Variants in DCAF5 observed in about 807,000 individuals in gnomAD.
DCAF5 encodes DDB1- and CUL4-associated factor 5.
In DCAF5, 9 loss-of-function variants were observed where a neutral mutation model predicts 80.7. The ratio of observed to expected loss-of-function variants is 0.11; its 90% CI spans 0.07 to 0.19. DCAF5 has a LOEUF of 0.19. Among genes scored for constraint, DCAF5 ranks in the 10% least tolerant of loss-of-function variants. The pLI, the probability that DCAF5 is intolerant of heterozygous loss-of-function variation, is 1.00. For synonymous variants in DCAF5, 433 were observed against 461.9 expected (o/e 0.94, Z 0.80); for missense variants, 842 against 1,205.7 (o/e 0.70, Z 4.47).
At chr14:69,070,866 C>T (rs1315826876) in intron 7 of DCAF5, among the ~76,000 whole-genome samples, 1 of 151,420 alleles carries the variant, frequency 6.6e-6, no homozygotes, top group African/African-American at 2.4e-5. Context: ...GGTGCAATCT[C>T]GGCTCAGTGC....
chr14:69,108,843 T>C (rs1273738667), intron 5 of DCAF5, among the ~76,000 whole-genome samples: 2 of 152,164 alleles, frequency 1.3e-5, no homozygotes, highest in African/African-American at 4.8e-5. Flanking sequence ...ATCCCAGTTA[T>C]CTTCAGCTTT....
intron 4 of DCAF5, 25 bp from the exon 5 acceptor site, chr14:69,116,520 G>T (rs1400252125): frequency 1.2e-6 from 2 of 1,607,272 alleles, no homozygotes; most frequent in Non-Finnish European, 1.7e-6. Flanking sequence ...ATTATAATCA[G>T]TTCACTCCAG....
At position 69,054,384 on chromosome 14, in the gene DCAF5, T is replaced by G; in HGVS notation, c.2302A>C (p.Ser768Arg). ...PEGTSQDTGNSGSVEHPFETK... is the reference protein window; with the variant it reads ...PEGTSQDTGNRGSVEHPFETK... ...TCAAAAGGGTGCTCTACAGAGCCGC[T>G]ATTGCCAGTGTCCTGAGAGGTACCC... The change falls in exon 9 of 9, where the codon AGC (serine) becomes CGC (arginine). Residue 768 changes from serine (S) to arginine (R), a missense_variant. Ser to Arg is a moderately radical substitution (Grantham distance 110). Around this residue, in one of 5 missense-constraint regions of DCAF5, gnomAD observed 607 missense variants for 656.6 expected, o/e 0.92. Coordinates refer to ENST00000341516, the MANE Select transcript of DCAF5 (RefSeq NM_003861.3). 6.2e-7 allele frequency: 1 copy of G among 1,614,124 alleles called. No homozygotes were observed. Among genetic ancestry groups the G allele is most frequent in the Non-Finnish European group, 8.5e-7 (1 of 1,180,040 alleles).
intron 1 of DCAF5, among the ~76,000 whole-genome samples, chr14:69,140,736 C>G (rs192692268): frequency 6.6e-6 from 1 of 152,116 alleles, no homozygotes; most frequent in African/African-American, 2.4e-5. Flanking sequence ...ATGTTCATAA[C>G]GGTTTCAGCC....
intron 1 of DCAF5, among the ~76,000 whole-genome samples, chr14:69,137,915 T>C (rs756484253): frequency 2.6e-5 from 4 of 152,194 alleles, no homozygotes; most frequent in Non-Finnish European, 5.9e-5. Context: ...AATTTTACCA[T>C]AGGTATGTAT....
rs1037302978 is a variant in DCAF5, at chr14:69,091,901, G to A, written c.666-14C>T. 10 of 1,601,598 alleles carry A rather than the reference G, an allele frequency of 6.2e-6. No homozygotes were observed. The African/African-American group carries it at 1.1e-4, about 17-fold the overall frequency. On this transcript the variant is annotated splice_polypyrimidine_tract_variant and intron_variant, in intron 5 of 8. Coordinates refer to ENST00000341516, the MANE Select transcript of DCAF5 (RefSeq NM_003861.3). ...CGCAGGAGAGAACTGGAAGGCACAA[G>A]GCACAGGAATCAGGCATGAGATAGG...
chr14:69,122,463 C>T (rs1338106959), intron 1 of DCAF5, 103 bp from the exon 2 acceptor site: 2 of 1,265,448 alleles, frequency 1.6e-6, no homozygotes, highest in East Asian at 2.4e-5. Context: ...ACTGCACCTC[C>T]CCAACTCCAT....
intron 1 of DCAF5, among the ~76,000 whole-genome samples, chr14:69,126,052 A>C (rs2040862504): frequency 6.6e-6 from 1 of 152,200 alleles, no homozygotes; most frequent in African/African-American, 2.4e-5. Flanking sequence ...TGAAATATAA[A>C]ATATTTAGGT....
intron 6 of DCAF5, chr14:69,091,213 ACCC>A (rs1007151049): frequency 1.4e-6 from 1 of 700,596 alleles, no homozygotes; most frequent in African/African-American, 1.8e-5. Context: ...AAAGCTGCTT[ACCC>A]CATTTCATCC....
rs143913072 is a variant in DCAF5 at position 69,096,208 on chromosome 14, T to C, written c.666-4321A>G. On this transcript the variant is annotated intron_variant, in intron 5 of 8. Coordinates refer to ENST00000341516, the MANE Select transcript of DCAF5 (RefSeq NM_003861.3). ...CCATTAACCATTTATTTTATGTGAG[T>C]TGGAAGGGAGATGAAGAACCTGGGC... Among the ~76,000 whole-genome samples, 1,208 of 152,210 alleles carry C rather than the reference T, an allele frequency of 7.9e-3. 12 individuals carry two copies. Among genetic ancestry groups the C allele is most frequent in the African/African-American group, 0.027 (1,115 of 41,508 alleles).
At chr14:69,084,333 T>C (rs2039234573) in intron 6 of DCAF5, 1 of 952,974 alleles carries the variant, frequency 1.0e-6, no homozygotes, top group African/African-American at 1.6e-5. Context: ...ATGCAGAATA[T>C]CCCAGGGTTT....
chr14:69,076,401 T>C lies in DCAF5; in HGVS notation c.880-990A>G, dbSNP rs547919559. On this transcript the variant is annotated intron_variant, in intron 6 of 8. Transcript: ENST00000341516. ...TGGAAACAACCCAAGGGTCTACTGA[T>C]AGATGAATGGATAAACAAAATGTGG... is the stretch of plus-strand genomic sequence containing the variant. Among the ~76,000 whole-genome samples, 226 of 152,330 alleles carry C rather than the reference T, an allele frequency of 1.5e-3. 5 individuals carry two copies. The South Asian group carries it at 0.028, about 19-fold the overall frequency.
chr14:69,133,553 GC>G (rs373132200), intron 1 of DCAF5, among the ~76,000 whole-genome samples: 9 of 152,114 alleles, frequency 5.9e-5, no homozygotes, highest in East Asian at 1.9e-4. Context: ...CAGGGAAGAG[GC>G]GGGGGTACAG....
chr14:69,152,133 G>A lies in DCAF5; in HGVS notation c.214+632C>T, dbSNP rs1262187676. Among the ~76,000 whole-genome samples the A allele has an allele frequency of 1.3e-5, 2 of 152,170 alleles. No individual in the cohort carries two copies. Among genetic ancestry groups the A allele is most frequent in the Non-Finnish European group, 2.9e-5 (2 of 68,032 alleles). On this transcript the variant is annotated intron_variant, in intron 1 of 8. Coordinates refer to ENST00000341516, the MANE Select transcript of DCAF5 (RefSeq NM_003861.3). The surrounding 1 kb of genome is among the most constrained non-coding windows in gnomAD (Gnocchi z 4.1). Reference sequence around the variant, plus strand: ...GAAACTGTATTAAAAACAAGACGCAGAAGAGGCCACAACCGAACGAAAGGC... The same window carrying A: ...GAAACTGTATTAAAAACAAGACGCAAAAGAGGCCACAACCGAACGAAAGGC...
intron 7 of DCAF5, 49 bp from the exon 8 acceptor site, chr14:69,062,560 T>A: frequency 6.2e-7 from 1 of 1,602,486 alleles, no homozygotes; most frequent in Non-Finnish European, 8.5e-7. Flanking sequence ...TGAATGAAAG[T>A]AAATAGGTTC....
rs776343599 is a variant in DCAF5 at position 69,118,326 on chromosome 14, T to C, written c.396-48A>G. ...AGAGGCACACACATACACACAAGCA[T>C]AGTGCAGAGTCCCAGCACTTTGGTA... On this transcript the variant is annotated intron_variant, in intron 3 of 8. Transcript: ENST00000341516. This position sits in a 1 kb window ranked among gnomAD's most constrained non-coding sequence, Gnocchi z 4.0. 2 of 1,585,804 alleles carry C rather than the reference T, an allele frequency of 1.3e-6. No individual in the cohort carries two copies. The highest frequency in any genetic ancestry group is 2.7e-5 in the African/African-American group (2 of 74,570).
intron 1 of DCAF5, among the ~76,000 whole-genome samples, chr14:69,148,627 G>A (rs552748983): frequency 2.6e-5 from 4 of 152,114 alleles, no homozygotes; most frequent in South Asian, 4.2e-4. Context: ...CCCAGGAGGC[G>A]GAGGTTGCAG....
At chr14:69,086,160 C>T (rs528640195) in intron 6 of DCAF5, among the ~76,000 whole-genome samples, 81 of 152,184 alleles carry the variant, frequency 5.3e-4, no homozygotes, top group African/African-American at 2.0e-3. Flanking sequence ...AGTTCGAGAC[C>T]AGCCTGGCCA....
intron 1 of DCAF5, among the ~76,000 whole-genome samples, chr14:69,131,158 T>A (rs538925791): frequency 1.3e-5 from 2 of 152,360 alleles, no homozygotes; most frequent in Non-Finnish European, 2.9e-5. Context: ...CACAAATTTA[T>A]ACATACAAAG....
Sources: gnomAD v4.1 joint callset for allele counts (sites outside exome capture counted in the v4.1 genomes callset) on GRCh38, gnomAD v4.1.1 for gene constraint, gnomAD v4.1.1 regional missense constraint, Gnocchi (gnomAD v3.1) non-coding constraint, MANE v1.5 for transcripts, NCBI Gene and HGNC (gene_info 2026-07-23, HGNC 2026-07-21) for gene names.